The following FLII variants were observed in gnomAD, a reference collection of about 807,000 sequenced individuals.
FLII encodes protein flightless-1 homolog.
A neutral mutation model predicts 156.2 loss-of-function variants in FLII; 101 were observed. That is an observed-to-expected ratio of 0.65 (90% CI 0.55 to 0.76). The LOEUF (loss-of-function observed/expected upper bound fraction) is 0.76. FLII is among the 30% of genes least tolerant of loss of function. The pLI is 0.00. For missense variants in FLII, 1,675 were observed against 1,682.8 expected (o/e 1.00, Z 0.08); for synonymous variants, 767 against 685.8 (o/e 1.12, Z -1.85).
intron 3 of FLII, 48 bp from the exon 4 acceptor site, chr17:18,255,311 G>A (rs751813565): frequency 2.7e-6 from 4 of 1,498,680 alleles, no homozygotes; most frequent in African/African-American, 1.4e-5. Context: ...CCACTCTCAG[G>A]AAGGAACAGA....
In FLII at chr17:18,249,117, T is replaced by A; in HGVS notation, c.1934+10A>T. On this transcript the variant is annotated intron_variant, in intron 16 of 29. Coordinates refer to ENST00000327031, the MANE Select transcript of FLII (RefSeq NM_002018.4). Reference sequence around the variant, plus strand: ...ATGAAGCACCCCCACCTCACATTGTTGGGGCTCACCTTGGGTCCAGAGAGG... The same window carrying A: ...ATGAAGCACCCCCACCTCACATTGTAGGGGCTCACCTTGGGTCCAGAGAGG... The A allele has an allele frequency of 6.2e-7, 1 of 1,612,672 alleles. No homozygotes were observed. Among genetic ancestry groups the A allele is most frequent in the Non-Finnish European group, 8.5e-7 (1 of 1,178,930 alleles).
intron 20 of FLII, 62 bp from the exon 21 acceptor site, chr17:18,247,419 G>T: frequency 6.8e-7 from 1 of 1,478,600 alleles, no homozygotes; most frequent in Non-Finnish European, 9.2e-7. Context: ...GGAGGAAGTA[G>T]CCCGAGGCTT....
At chr17:18,249,734 G>C (rs1288796744) in intron 14 of FLII, among the ~76,000 whole-genome samples, 2 of 151,994 alleles carry the variant, frequency 1.3e-5, no homozygotes, top group Non-Finnish European at 2.9e-5. Context: ...AGGTTGCAGT[G>C]AGCTGAGATT....
In FLII at chr17:18,254,825, G is replaced by C; in HGVS notation, c.357C>G (p.Cys119Trp). ...LDLSHNQLTE[C>W]PRELENAKNM... is the part of the protein sequence containing the mutation. ...TCTTGGCGTTCTCCAGCTCCCGCGG[G>C]CACTCTGTCAGCTGGTTGTGGCTCA... Residue 119 changes from cysteine to tryptophan, a missense_variant, in exon 5 of 30, where the codon TGC becomes TGG. Transcript: ENST00000327031. 6.2e-7 allele frequency: 1 copy of C among 1,614,162 alleles called. No individual in the cohort carries two copies. The highest frequency in any genetic ancestry group is 8.5e-7 in the Non-Finnish European group (1 of 1,180,022).
rs866777217 is a variant in FLII at position 18,254,612 on chromosome 17, G to A, written c.484C>T (p.Arg162Cys). 8.7e-6 allele frequency: 14 copies of A among 1,613,846 alleles called. No homozygotes were observed. The highest frequency in any genetic ancestry group is 4.4e-5 in the South Asian group (4 of 91,090). The change falls in exon 6 of 30, where the codon CGC (arginine) becomes TGC (cysteine). Residue 162 changes from arginine (R) to cysteine (C), a missense_variant. By Grantham distance (180) the Arg-to-Cys change is radical. Coordinates refer to ENST00000327031, the MANE Select transcript of FLII (RefSeq NM_002018.4). ...ATCTGCGGGGGCAGGCTCTCCAGGC[G>A]GTTCTCGCTGAGGTCCAGGTATAGT... ...DLLYLDLSEN[R>C]LESLPPQMRR...
Position 18,245,285 on chromosome 17 carries a change from C to T in FLII, c.3676-13G>A. The T allele has an allele frequency of 6.2e-7, 1 of 1,612,388 alleles. No homozygotes were observed. The highest frequency in any genetic ancestry group is 2.2e-5 in the East Asian group (1 of 44,794). ...GCTGGATATATACCTGGCAAGGGGA[C>T]AGCGAGCCTTGGGTGATGACCCTGC... On this transcript the variant is annotated splice_polypyrimidine_tract_variant and intron_variant, in intron 29 of 29. Coordinates refer to ENST00000327031, the MANE Select transcript of FLII (RefSeq NM_002018.4).
Position 18,249,368 on chromosome 17 carries a change from G to A in FLII, c.1817C>T (p.Ala606Val). The change falls in exon 15 of 30, where the codon GCC becomes GTC. Residue 606 changes from alanine (A) to valine (V), a missense_variant. By Grantham distance (64) the Ala-to-Val change is moderately conservative. Transcript: ENST00000327031. The part of the protein sequence containing the change: ...NDISYIEGGT[A>V]SGFYTVEDTH... ...GTCTTCCACAGTGTAGAAGCCACTG[G>A]CTGTTCCACCCTCAATGTAGGAGAT... 1 of 1,614,162 alleles carries A rather than the reference G, an allele frequency of 6.2e-7. No homozygotes were observed. Among genetic ancestry groups the A allele is most frequent in the South Asian group, 1.1e-5 (1 of 91,084 alleles).
chr17:18,246,636 G>A lies in FLII; in HGVS notation c.3009C>T (p.Ser1003=), dbSNP rs1208784909. The change falls in exon 23 of 30, where the codon AGC becomes AGT. Residue 1003 remains serine (S), a synonymous_variant. Transcript: ENST00000327031. Reference sequence around the variant, plus strand: ...AGAGGCTCTCGAACTTCTTTTGCAGGCTGAAGGTGAAGGTGAGCCAGCCCA... The same window carrying A: ...AGAGGCTCTCGAACTTCTTTTGCAGACTGAAGGTGAAGGTGAGCCAGCCCA... ...SNMGWLTFTF[S]LQKKFESLFP... The A allele has an allele frequency of 1.2e-6, 2 of 1,613,948 alleles. No individual in the cohort carries two copies. Among genetic ancestry groups the A allele is most frequent in the Non-Finnish European group, 1.7e-6 (2 of 1,179,934 alleles).
At chr17:18,251,879 A>C (rs2048281142) in intron 11 of FLII, 63 bp from the exon 12 acceptor site, 1 of 1,608,902 alleles carries the variant, frequency 6.2e-7, no homozygotes. Context: ...GCATGCGACC[A>C]ACCAGGGGCC....
intron 9 of FLII, among the ~76,000 whole-genome samples, chr17:18,252,996 C>T (rs1411881915): frequency 6.6e-6 from 1 of 151,924 alleles, no homozygotes; most frequent in African/African-American, 2.4e-5. Context: ...ACTAAAAATA[C>T]AAAAAGAGCC....
At position 18,247,761 on chromosome 17, in the gene FLII, G is replaced by A; in HGVS notation, c.2383C>T (p.Leu795=). Residue 795 remains leucine (L), a synonymous_variant, in exon 20 of 30, where the codon CTG becomes TTG. Coordinates refer to ENST00000327031, the MANE Select transcript of FLII (RefSeq NM_002018.4). ...FIWLGRKSPR[L]VRAAALKLGQ... ...AGCTTGAGGGCGGCAGCGCGCACCA[G>A]GCGCGGGGACTTGCGGCCGAGCCAG... 1 of 1,608,352 alleles carries A rather than the reference G, an allele frequency of 6.2e-7. No homozygotes were observed. The highest frequency in any genetic ancestry group is 8.5e-7 in the Non-Finnish European group (1 of 1,179,868).
intron 28 of FLII, 43 bp downstream of exon 28, chr17:18,245,512 T>C (rs1042716284): frequency 3.7e-6 from 6 of 1,612,116 alleles, no homozygotes; most frequent in South Asian, 1.1e-5. Context: ...AGTAAGTCTA[T>C]GGGCGCCTCC....
Position 18,258,321 on chromosome 17 carries a change from C to G in FLII, c.63+307G>C. 1 of 594,002 alleles carries G rather than the reference C, an allele frequency of 1.7e-6. No individual in the cohort carries two copies. Among genetic ancestry groups the G allele is most frequent in the Non-Finnish European group, 2.8e-6 (1 of 360,556 alleles). 36.8% of individuals were successfully genotyped at this position (594,002 alleles called of 1,614,324 possible). On this transcript the variant is annotated intron_variant, in intron 1 of 29. Transcript: ENST00000327031. The surrounding 1 kb of genome is among the most constrained non-coding windows in gnomAD (Gnocchi z 4.2). ...AGAGGGGCGGGGAGGCTCGCCCGAT[C>G]CCCAGGCCACCATCCAGCCTAGACC...
Position 18,248,835 on chromosome 17 carries a change from C to T in FLII, c.1983G>A (p.Gly661=). Residue 661 remains glycine (G), a synonymous_variant, in exon 17 of 30, where the codon GGG becomes GGA. Coordinates refer to ENST00000327031, the MANE Select transcript of FLII (RefSeq NM_002018.4). ...TGGTGCTGCTCAGTGTGGCCTGGGC[C>T]CCCCGCCATACGTAGATGTCTAGCC... ...DRGLDIYVWR[G]AQATLSSTTK... is the part of the protein sequence containing the mutation. The T allele has an allele frequency of 1.2e-6, 2 of 1,613,858 alleles. No individual in the cohort carries two copies. Among genetic ancestry groups the T allele is most frequent in the Non-Finnish European group, 1.7e-6 (2 of 1,179,916 alleles).
chr17:18,246,589 C>G lies in FLII; in HGVS notation c.3051+5G>C, dbSNP rs777520323. ...GCCTCGGGCTCGCGGGGCTGCCAGG[C>G]ACACCTCCAGCTTCCCAGGGAAGAG... On this transcript the variant is annotated splice_donor_5th_base_variant and intron_variant, in intron 23 of 29. Coordinates refer to ENST00000327031, the MANE Select transcript of FLII (RefSeq NM_002018.4). 2.5e-6 allele frequency: 4 copies of G among 1,613,606 alleles called. No homozygotes were observed. In the African/African-American group the frequency reaches 5.3e-5, roughly 22 times the overall value.
intron 8 of FLII, 27 bp downstream of exon 8, chr17:18,253,517 T>TC: frequency 6.2e-7 from 1 of 1,612,956 alleles, no homozygotes; most frequent in Non-Finnish European, 8.5e-7. Flanking sequence ...CTTCCTCCCA[T>TC]CCCCCTACTG....
chr17:18,251,256 A>G lies in FLII; in HGVS notation c.1596+9T>C, dbSNP rs760737798. On this transcript the variant is annotated intron_variant, in intron 13 of 29. Coordinates refer to ENST00000327031, the MANE Select transcript of FLII (RefSeq NM_002018.4). ...CCACATGGCCCCTAACAGCATGCCC[A>G]GCCCTCACCTTGAGCACAATGTAGC... is the stretch of plus-strand genomic sequence containing the variant. 4 of 1,612,956 alleles carry G rather than the reference A, an allele frequency of 2.5e-6. No individual in the cohort carries two copies. Among genetic ancestry groups the G allele is most frequent in the Non-Finnish European group, 3.4e-6 (4 of 1,179,258 alleles).
chr17:18,251,563 G>C lies in FLII; in HGVS notation c.1384-86C>G, dbSNP rs980648379. The C allele has an allele frequency of 3.2e-6, 5 of 1,568,556 alleles. No homozygotes were observed. In the East Asian group the frequency reaches 1.1e-4, roughly 35 times the overall value. ...TTGCTACCCACACCTCAGGGCCTTT[G>C]CACAGCTGTTCTTTCTGCCCAGCAC... On this transcript the variant is annotated intron_variant, in intron 12 of 29. Coordinates refer to ENST00000327031, the MANE Select transcript of FLII (RefSeq NM_002018.4).
Position 18,247,976 on chromosome 17 carries a change from C to T in FLII, c.2248G>A (p.Glu750Lys). ...LPQINYKLSV[E>K]HKQRPKVELM... is the part of the protein sequence containing the mutation. ...TCCACCTTGGGACGCTGCTTATGTT[C>T]CACGGAGAGCTTGTAGTTGATCTGT... Residue 750 changes from glutamate to lysine, a missense_variant, in exon 19 of 30, where the codon GAA becomes AAA. By Grantham distance (56) the Glu-to-Lys change is moderately conservative. Around this residue, in one of 2 missense-constraint regions of FLII, gnomAD observed 1,332 missense variants for 1,269.3 expected, o/e 1.05. Transcript: ENST00000327031. 2.5e-6 allele frequency: 4 copies of T among 1,614,152 alleles called. No homozygotes were observed. Among genetic ancestry groups the T allele is most frequent in the Non-Finnish European group, 3.4e-6 (4 of 1,180,024 alleles).
Sources: gnomAD v4.1 joint callset for allele counts (sites outside exome capture counted in the v4.1 genomes callset) on GRCh38, gnomAD v4.1.1 for gene constraint, gnomAD v4.1.1 regional missense constraint, Gnocchi (gnomAD v3.1) non-coding constraint, MANE v1.5 for transcripts, NCBI Gene and HGNC (gene_info 2026-07-23, HGNC 2026-07-21) for gene names.